Variants in TRPM7 observed in about 807,000 individuals in gnomAD.
TRPM7 encodes transient receptor potential cation channel subfamily M member 7, also known as LTRPC ion channel family member 7.
Under a neutral mutation model 229.7 loss-of-function variants are expected in TRPM7, and 134 were observed. The observed-to-expected ratio is 0.58, with a 90% confidence interval of 0.51 to 0.67. TRPM7 has a LOEUF of 0.67. TRPM7 is among the 30% of genes least tolerant of loss of function. The probability of loss-of-function intolerance (pLI) is 0.00; values close to 1 mark genes in which losing one functional copy is unlikely to be tolerated. For synonymous variants in TRPM7, 699 were observed against 715.2 expected, an observed-to-expected ratio of 0.98 and a Z score of 0.36; for missense variants, 1,901 against 2,210.0, an observed-to-expected ratio of 0.86 and a Z score of 2.80.
intron 36 of TRPM7, among the ~76,000 whole-genome samples, chr15:50,571,832 A>AT (rs1490986567): frequency 6.6e-6 from 1 of 152,258 alleles, no homozygotes; most frequent in Non-Finnish European, 1.5e-5. Flanking sequence ...TACCGTGAAC[A>AT]TTGTTCAAAT....
At chr15:50,684,422 C>G (rs534572238) in intron 1 of TRPM7, among the ~76,000 whole-genome samples, 22 of 152,240 alleles carry the variant, frequency 1.4e-4, no homozygotes, top group Non-Finnish European at 2.8e-4. Flanking sequence ...AGCCAGATCA[C>G]TGGACATCAG....
At chr15:50,617,135 T>A (rs200304587) in intron 13 of TRPM7, among the ~76,000 whole-genome samples, 44 of 25,868 alleles carry the variant, frequency 1.7e-3, no homozygotes, top group East Asian at 7.1e-3. Context: ...ACCAAAAAAA[T>A]AAATAAATAA....
chr15:50,646,615 G>A (rs1596298009), intron 4 of TRPM7, among the ~76,000 whole-genome samples: 2 of 152,128 alleles, frequency 1.3e-5, no homozygotes, highest in Non-Finnish European at 2.9e-5. Context: ...AATAATAACT[G>A]TTTTAGGGGT....
Position 50,566,652 on chromosome 15 carries a change from C to T in TRPM7, c.5467+3235G>A, listed in dbSNP as rs558332166. On this transcript the variant is annotated intron_variant, in intron 38 of 38. Coordinates refer to ENST00000646667, the MANE Select transcript of TRPM7 (RefSeq NM_017672.6). ...TGGAGGGTGCAGTGAGCAGAGATTA[C>T]GCCACTGCACTCCAGCCTGGTGACA... 2.6e-5 allele frequency among the ~76,000 whole-genome samples: 4 copies of T among 152,070 alleles called. No homozygotes were observed. The South Asian group carries it at 8.3e-4, about 32-fold the overall frequency.
rs781358519 is a variant in TRPM7 at position 50,637,490 on chromosome 15, T to C, written c.764A>G (p.Lys255Arg). 1 of 1,614,034 alleles carries C rather than the reference T, an allele frequency of 6.2e-7. No homozygotes were observed. The highest frequency in any genetic ancestry group is 1.3e-5 in the African/African-American group (1 of 74,948). ...FILVDDGTVGKYGAEVRLRRE... is the reference protein window; with the variant it reads ...FILVDDGTVGRYGAEVRLRRE... Reference sequence around the variant, plus strand: ...TCTCAGTCTGACTTCCGCCCCATACTTTCCAACAGTGCCATCATCCACCAA... The same window carrying C: ...TCTCAGTCTGACTTCCGCCCCATACCTTCCAACAGTGCCATCATCCACCAA... Residue 255 changes from lysine to arginine, a missense_variant, in exon 7 of 39, where the codon AAG (lysine) becomes AGG (arginine). Transcript: ENST00000646667.
chr15:50,647,984 T>C (rs1305878472), intron 4 of TRPM7, among the ~76,000 whole-genome samples: 1 of 152,228 alleles, frequency 6.6e-6, no homozygotes, highest in Non-Finnish European at 1.5e-5. Context: ...CTCACTATTT[T>C]GCCCAGGCTG....
intron 30 of TRPM7, 93 bp downstream of exon 30, chr15:50,580,781 A>C: frequency 1.7e-6 from 2 of 1,161,522 alleles, no homozygotes; most frequent in Non-Finnish European, 2.4e-6. Context: ...CTCATAAAGA[A>C]ATGTTAAAGA....
intron 3 of TRPM7, among the ~76,000 whole-genome samples, chr15:50,657,167 T>C (rs1010775055): frequency 4.6e-5 from 7 of 151,910 alleles, no homozygotes; most frequent in Admixed American, 6.6e-5. Context: ...CTACTAAGAA[T>C]ACAAAAATTA....
chr15:50,614,557 C>G (rs2060161009), intron 13 of TRPM7, among the ~76,000 whole-genome samples: 1 of 149,974 alleles, frequency 6.7e-6, no homozygotes, highest in African/African-American at 2.5e-5. Flanking sequence ...CCCAGCTACT[C>G]AAGAGGCTGA....
At chr15:50,651,513 CTTG>C (rs2061419004) in intron 3 of TRPM7, among the ~76,000 whole-genome samples, 1 of 151,726 alleles carries the variant, frequency 6.6e-6, no homozygotes, top group African/African-American at 2.4e-5. Flanking sequence ...AAAGACCATG[CTTG>C]TTGGGCACGG....
chr15:50,649,403 C>T (rs2140839184), intron 3 of TRPM7, among the ~76,000 whole-genome samples: 1 of 147,796 alleles, frequency 6.8e-6, no homozygotes, highest in East Asian at 2.0e-4. Flanking sequence ...CACTGTGCTC[C>T]ATCCTGGACG....
Position 50,662,554 on chromosome 15 carries a change from T to C in TRPM7, c.83+413A>G, listed in dbSNP as rs2061754130. Among the ~76,000 whole-genome samples, 3 of 152,200 alleles carry C rather than the reference T, an allele frequency of 2.0e-5. No homozygotes were observed. In the South Asian group the frequency reaches 6.2e-4, roughly 31 times the overall value. On this transcript the variant is annotated intron_variant, in intron 2 of 38. Coordinates refer to ENST00000646667, the MANE Select transcript of TRPM7 (RefSeq NM_017672.6). ...TGGCAAACAAAAAGAATGACTATTA[T>C]TAGGTTCATATTGCTTTCTTCGACA...
intron 28 of TRPM7, among the ~76,000 whole-genome samples, chr15:50,585,048 G>GTTTTTTTT (rs1488163306): frequency 5.8e-5 from 5 of 85,798 alleles, no homozygotes; most frequent in African/African-American, 1.3e-4. Flanking sequence ...GCTAATTTTT[G>GTTTTTTTT]TATTTTTTTT....
intron 17 of TRPM7, among the ~76,000 whole-genome samples, chr15:50,610,672 A>C (rs1183940526): frequency 6.6e-6 from 1 of 152,206 alleles, no homozygotes; most frequent in African/African-American, 2.4e-5. Flanking sequence ...GGATATACTT[A>C]TCTATAATGG....
At chr15:50,587,368 G>C (rs1374567513) in intron 27 of TRPM7, among the ~76,000 whole-genome samples, 4 of 145,990 alleles carry the variant, frequency 2.7e-5, no homozygotes, top group Admixed American at 2.7e-4. Context: ...TATGTGTTTG[G>C]AAAGCCCTGA....
intron 19 of TRPM7, 151 bp downstream of exon 19, chr15:50,609,430 A>T: frequency 2.5e-6 from 2 of 790,216 alleles, no homozygotes; most frequent in Non-Finnish European, 3.8e-6. Context: ...ATGACAATTT[A>T]AATGAAACTA....
intron 27 of TRPM7, chr15:50,588,249 T>C: frequency 1.0e-6 from 1 of 984,902 alleles, no homozygotes; most frequent in Non-Finnish European, 1.2e-6. Context: ...ATTCTGCTGC[T>C]CCTATTTGAG....
intron 4 of TRPM7, among the ~76,000 whole-genome samples, chr15:50,644,882 T>C (rs114323884): frequency 0.013 from 1,998 of 151,680 alleles, 40 homozygotes; most frequent in African/African-American, 0.047. Flanking sequence ...TGGAGTCCCT[T>C]AAGAATACTT....
At chr15:50,618,253 T>A (rs1051354275) in intron 13 of TRPM7, among the ~76,000 whole-genome samples, 1 of 152,126 alleles carries the variant, frequency 6.6e-6, no homozygotes, top group Admixed American at 6.6e-5. Context: ...GTGTTATGCG[T>A]TCATCACCAC....
Sources: gnomAD v4.1 joint callset for allele counts (sites outside exome capture counted in the v4.1 genomes callset) on GRCh38, gnomAD v4.1.1 for gene constraint, MANE v1.5 for transcripts, NCBI Gene and HGNC (gene_info 2026-07-23, HGNC 2026-07-21) for gene names.